The following MCTP1 variants were observed in gnomAD, a reference collection of about 807,000 sequenced individuals.
MCTP1 encodes the protein multiple C2 and transmembrane domain containing 1.
In MCTP1, 69 loss-of-function variants were observed where a neutral mutation model predicts 120.6. That is an observed-to-expected ratio of 0.57 (90% CI 0.47 to 0.70). The LOEUF (loss-of-function observed/expected upper bound fraction) is 0.70. MCTP1 is among the 30% of genes least tolerant of loss of function. The probability of loss-of-function intolerance (pLI) is 0.00; values close to 1 mark genes in which losing one functional copy is unlikely to be tolerated. For missense variants in MCTP1, 1,203 were observed against 1,248.8 expected (o/e 0.96, Z 0.55); for synonymous variants, 529 against 493.1 (o/e 1.07, Z -0.96).
intron 20 of MCTP1, among the ~76,000 whole-genome samples, chr5:94,713,288 T>G (rs1757771886): frequency 2.6e-5 from 4 of 152,092 alleles, no homozygotes; most frequent in Admixed American, 2.6e-4. Context: ...CCCTGTGCCA[T>G]ATTCCTGTAC....
chr5:94,883,522 T>G (rs952301419), intron 12 of MCTP1, among the ~76,000 whole-genome samples: 2 of 152,210 alleles, frequency 1.3e-5, no homozygotes, highest in Admixed American at 1.3e-4. Context: ...CTCTTTTATT[T>G]GGTAGATTAT....
chr5:95,127,727 G>A (rs1214385231), intron 1 of MCTP1, among the ~76,000 whole-genome samples: 2 of 152,140 alleles, frequency 1.3e-5, no homozygotes, highest in Non-Finnish European at 2.9e-5. Flanking sequence ...AACCCGTACT[G>A]TAAATATCCT....
At chr5:94,719,991 T>G (rs1024768035) in intron 19 of MCTP1, among the ~76,000 whole-genome samples, 2 of 152,030 alleles carry the variant, frequency 1.3e-5, no homozygotes, top group African/African-American at 4.8e-5. Flanking sequence ...CCGGGCGTGG[T>G]GGTGCATGCC....
chr5:95,095,996 T>G (rs1336220393), intron 1 of MCTP1, among the ~76,000 whole-genome samples: 1 of 151,626 alleles, frequency 6.6e-6, no homozygotes, highest in Non-Finnish European at 1.5e-5. Context: ...GAGATGGGAG[T>G]TCCACACTCT....
chr5:94,808,603 C>T (rs1348265753), intron 17 of MCTP1, among the ~76,000 whole-genome samples: 2 of 152,018 alleles, frequency 1.3e-5, no homozygotes, highest in Admixed American at 6.6e-5. Context: ...ACCAAACTGA[C>T]AAGACTTGAT....
chr5:94,761,133 G>A (rs1771236262), intron 19 of MCTP1, among the ~76,000 whole-genome samples: 2 of 152,244 alleles, frequency 1.3e-5, no homozygotes, highest in African/African-American at 4.8e-5. Flanking sequence ...AGAAGGAAAT[G>A]TTCTGCAACC....
chr5:95,013,520 AT>A (rs1836455399), intron 2 of MCTP1, among the ~76,000 whole-genome samples: 1 of 152,136 alleles, frequency 6.6e-6, no homozygotes, highest in Non-Finnish European at 1.5e-5. Flanking sequence ...GTTGATGCCA[AT>A]GCTCATTTAC....
At chr5:95,191,574 G>C (rs1749830964) in intron 1 of MCTP1, among the ~76,000 whole-genome samples, 1 of 151,924 alleles carries the variant, frequency 6.6e-6, no homozygotes, top group African/African-American at 2.4e-5. Flanking sequence ...ATGACTCTCA[G>C]TTATAAGTCC....
At chr5:94,887,665 C>T (rs1801643764) in intron 12 of MCTP1, among the ~76,000 whole-genome samples, 1 of 152,270 alleles carries the variant, frequency 6.6e-6, no homozygotes, top group South Asian at 2.1e-4. Flanking sequence ...CTCCCATTTT[C>T]AGGTATTCCT....
chr5:94,802,474 T>G (rs1298581146), intron 17 of MCTP1, among the ~76,000 whole-genome samples: 3 of 152,146 alleles, frequency 2.0e-5, no homozygotes, highest in Non-Finnish European at 1.5e-5. Flanking sequence ...GAAAGGAGCT[T>G]TTTAGCTCAT....
chr5:94,742,299 C>T (rs1765707716), intron 19 of MCTP1, among the ~76,000 whole-genome samples: 1 of 152,192 alleles, frequency 6.6e-6, no homozygotes, highest in African/African-American at 2.4e-5. Flanking sequence ...AAGTGATCCT[C>T]CTGCCTCAGC....
chr5:94,888,982 C>T lies in MCTP1; in HGVS notation c.1840-10G>A. 6.3e-7 allele frequency: 1 copy of T among 1,584,942 alleles called. No homozygotes were observed. The highest frequency in any genetic ancestry group is 8.7e-7 in the Non-Finnish European group (1 of 1,153,636). On this transcript the variant is annotated splice_polypyrimidine_tract_variant and intron_variant, in intron 11 of 22. Transcript: ENST00000515393. ...ATATCCTCAATGGGCTCTGAAAGAC[C>T]CCAACATCAGTATTAGAAAAGGGAG...
chr5:95,171,496 T>C (rs1261308658), intron 1 of MCTP1, among the ~76,000 whole-genome samples: 1 of 152,232 alleles, frequency 6.6e-6, no homozygotes, highest in Non-Finnish European at 1.5e-5. Context: ...GATAATATCC[T>C]GCAGAGTGTT....
chr5:95,259,782 C>T (rs910453018), intron 1 of MCTP1, among the ~76,000 whole-genome samples: 2 of 152,112 alleles, frequency 1.3e-5, no homozygotes, highest in Non-Finnish European at 2.9e-5. Flanking sequence ...ACAGTATTCT[C>T]CCCTGCCACC....
chr5:95,062,495 G>A (rs1253450469), intron 1 of MCTP1, among the ~76,000 whole-genome samples: 1 of 152,134 alleles, frequency 6.6e-6, no homozygotes, highest in Non-Finnish European at 1.5e-5. Context: ...CCTGCATTAA[G>A]CTTCAGCTTC....
chr5:94,753,427 G>A (rs1291067402), intron 19 of MCTP1, among the ~76,000 whole-genome samples: 2 of 152,162 alleles, frequency 1.3e-5, no homozygotes, highest in African/African-American at 4.8e-5. Flanking sequence ...GGAAGAATGG[G>A]TTGCGCATTT....
chr5:95,113,182 C>G (rs72779444), intron 1 of MCTP1, among the ~76,000 whole-genome samples: 4 of 151,864 alleles, frequency 2.6e-5, no homozygotes, highest in Admixed American at 6.6e-5. Flanking sequence ...ATTAAAGCAG[C>G]CTCTATAACT....
At chr5:95,060,489 C>G (rs922958678) in intron 1 of MCTP1, among the ~76,000 whole-genome samples, 2 of 152,104 alleles carry the variant, frequency 1.3e-5, no homozygotes, top group South Asian at 4.1e-4. Context: ...TACTTCTAAA[C>G]TTGAGAAGAT....
At chr5:94,886,876 T>C (rs942919132) in intron 12 of MCTP1, among the ~76,000 whole-genome samples, 1 of 152,192 alleles carries the variant, frequency 6.6e-6, no homozygotes, top group African/African-American at 2.4e-5. Flanking sequence ...TGTGTGCGTG[T>C]GTGTGTGTGT....
Sources: allele counts gnomAD v4.1 joint callset (sites outside exome capture counted in the v4.1 genomes callset), GRCh38; gene constraint gnomAD v4.1.1; transcripts MANE v1.5; gene names NCBI Gene and HGNC (gene_info 2026-07-23, HGNC 2026-07-21).